Variants in FARSB observed in about 807,000 individuals in gnomAD.
FARSB encodes phenylalanyl-tRNA synthetase subunit beta, also known as phenylalanine--tRNA ligase beta subunit.
FARSB carries 40 observed loss-of-function variants against 69.6 expected under a neutral mutation model. The ratio of observed to expected loss-of-function variants is 0.57; its 90% CI spans 0.45 to 0.75. The LOEUF is 0.75. Among genes scored for constraint, FARSB ranks in the 30% least tolerant of loss-of-function variants. The pLI is 0.00. For synonymous variants in FARSB, 235 were observed against 247.2 expected, an observed-to-expected ratio of 0.95 and a Z score of 0.46; for missense variants, 632 against 722.9, an observed-to-expected ratio of 0.87 and a Z score of 1.44.
Position 222,571,190 on chromosome 2 carries a change from C to T in FARSB, c.*681G>A, listed in dbSNP as rs1574903494. ...TGTTCATACTGCATTGATATCAATA[C>T]TTGTCCATTTTAACTCTTACAGCAG... On this transcript the variant is annotated 3_prime_UTR_variant, in exon 17 of 17. Coordinates refer to ENST00000281828, the MANE Select transcript of FARSB (RefSeq NM_005687.5). 6.6e-6 allele frequency: 1 copy of T among 152,174 alleles called. No homozygotes were observed. The highest frequency in any genetic ancestry group is 1.9e-4 in the East Asian group (1 of 5,202). 9.4% of individuals were successfully genotyped at this position (152,174 alleles called of 1,614,324 possible).
In FARSB at chr2:222,604,722, AT is replaced by A. The variant is rs56201038; in HGVS notation, c.1463-4640del. 7.8e-3 allele frequency among the ~76,000 whole-genome samples: 866 copies of A among 110,682 alleles called. 11 individuals are homozygous for A. The highest frequency in any genetic ancestry group is 0.027 in the African/African-American group (818 of 29,852). The allele number at this position is 110,682 out of a possible 152,430, so 72.6% of individuals were successfully genotyped here. A position where few individuals can be genotyped will look rare whatever the true frequency, so the allele number is the denominator to read the frequency against. Reference sequence around the variant, plus strand: ...AAGCACACATCACCATGCCCACTGAATTTTTTTTTTTTTTTTTTTTTTGTAT... The same window carrying A: ...AAGCACACATCACCATGCCCACTGAATTTTTTTTTTTTTTTTTTTTTGTAT... On this transcript the variant is annotated intron_variant, in intron 15 of 16. Coordinates refer to ENST00000281828, the MANE Select transcript of FARSB (RefSeq NM_005687.5).
Position 222,631,677 on chromosome 2 carries a change from G to T in FARSB, c.716-3C>A, listed in dbSNP as rs781522279. Reference sequence around the variant, plus strand: ...TACTGTTATTCTGGAATGATCCCCTGCAATGAACACAAAACAATAACATTA... The same window carrying T: ...TACTGTTATTCTGGAATGATCCCCTTCAATGAACACAAAACAATAACATTA... On this transcript the variant is annotated splice_region_variant and splice_polypyrimidine_tract_variant and intron_variant, in intron 7 of 16. Transcript: ENST00000281828. The T allele has an allele frequency of 6.6e-7, 1 of 1,503,934 alleles. No homozygotes were observed. The highest frequency in any genetic ancestry group is 9.3e-7 in the Non-Finnish European group (1 of 1,080,722). 93.2% of individuals were successfully genotyped at this position (1,503,934 alleles called of 1,614,324 possible). A position where few individuals can be genotyped will look rare whatever the true frequency, so the allele number is the denominator to read the frequency against.
chr2:222,639,727 A>C (rs1374590840), intron 4 of FARSB, 32 bp from the exon 5 acceptor site: 1 of 1,036,652 alleles, frequency 9.6e-7, no homozygotes, highest in South Asian at 1.7e-5. Flanking sequence ...GAGATAGCAA[A>C]CAGTAAGGCT....
Position 222,568,938 on chromosome 2 carries a change from CCATTT to C in FARSB, c.*2928_*2932del, listed in dbSNP as rs1190275769. On this transcript the variant is annotated 3_prime_UTR_variant, in exon 17 of 17. Coordinates refer to ENST00000281828, the MANE Select transcript of FARSB (RefSeq NM_005687.5). The surrounding 1 kb of genome is among the most constrained non-coding windows in gnomAD (Gnocchi z 4.3). ...TTCTAAGCTAGAACAAAAATCAATT[CCATTT>C]AATTTTCACTTTAATACTAGAGCTC... is the stretch of plus-strand genomic sequence containing the variant. 1 of 152,178 alleles carries C rather than the reference CCATTT, an allele frequency of 6.6e-6. No individual in the cohort carries two copies. The highest frequency in any genetic ancestry group is 1.5e-5 in the Non-Finnish European group (1 of 68,032). The allele number at this position is 152,178 out of a possible 1,614,324, so 9.4% of individuals were successfully genotyped here.
In FARSB at chr2:222,623,726, G is replaced by C; in HGVS notation, c.1175C>G (p.Pro392Arg). Residue 392 changes from proline to arginine, a missense_variant, in exon 13 of 17, where the codon CCT (proline) becomes CGT (arginine). Coordinates refer to ENST00000281828, the MANE Select transcript of FARSB (RefSeq NM_005687.5). Reference protein sequence around the residue: ...PKTYTIANQFPLNKLTELLRH... With the variant: ...PKTYTIANQFRLNKLTELLRH... ...GAGAAGTTCAGTGAGCTTATTAAGA[G>C]GAAACTGAAAAAAAAAGCATCCACT... 2 of 1,598,800 alleles carry C rather than the reference G, an allele frequency of 1.3e-6. No homozygotes were observed. The highest frequency in any genetic ancestry group is 1.7e-6 in the Non-Finnish European group (2 of 1,170,610).
chr2:222,628,092 A>G (rs922725838), intron 10 of FARSB, among the ~76,000 whole-genome samples: 1 of 152,212 alleles, frequency 6.6e-6, no homozygotes, highest in Admixed American at 6.5e-5. Flanking sequence ...TTAATAATAC[A>G]TTTGAAATTA....
At chr2:222,605,688 C>T (rs1213646654) in intron 15 of FARSB, among the ~76,000 whole-genome samples, 3 of 152,126 alleles carry the variant, frequency 2.0e-5, no homozygotes, top group Non-Finnish European at 4.4e-5. Flanking sequence ...AAGGCCGAGG[C>T]AGAAGGATCA....
At chr2:222,590,388 A>T (rs1368137020) in intron 16 of FARSB, among the ~76,000 whole-genome samples, 5 of 152,188 alleles carry the variant, frequency 3.3e-5, no homozygotes, top group African/African-American at 7.2e-5. Context: ...GGGGGAGGGA[A>T]AGCATTAGGA....
At chr2:222,640,471 A>C (rs1198312649) in intron 4 of FARSB, among the ~76,000 whole-genome samples, 1 of 151,928 alleles carries the variant, frequency 6.6e-6, no homozygotes, top group African/African-American at 2.4e-5. Context: ...AAAAATACAA[A>C]AAATTAGCCA....
intron 5 of FARSB, among the ~76,000 whole-genome samples, chr2:222,635,956 T>C (rs1382666813): frequency 6.6e-6 from 1 of 151,656 alleles, no homozygotes; most frequent in African/African-American, 2.4e-5. Flanking sequence ...GCCACACACT[T>C]GTGGTCTCAG....
intron 16 of FARSB, among the ~76,000 whole-genome samples, chr2:222,597,732 C>A (rs1690456314): frequency 6.6e-6 from 1 of 152,038 alleles, no homozygotes; most frequent in South Asian, 2.1e-4. Flanking sequence ...TGAGCACGAT[C>A]CAGGCCAAGT....
intron 3 of FARSB, 28 bp downstream of exon 3, chr2:222,642,823 A>G (rs200557883): frequency 5.2e-6 from 8 of 1,525,248 alleles, no homozygotes; most frequent in Non-Finnish European, 2.7e-6. Context: ...CCAACTTAGC[A>G]AAGTCTTTAA....
intron 16 of FARSB, among the ~76,000 whole-genome samples, chr2:222,598,170 A>G (rs1690470986): frequency 6.6e-6 from 1 of 152,230 alleles, no homozygotes; most frequent in South Asian, 2.1e-4. Flanking sequence ...CTTCGGAAAC[A>G]TCAAGACAAT....
intron 13 of FARSB, among the ~76,000 whole-genome samples, chr2:222,623,109 A>T (rs1030249096): frequency 6.6e-6 from 1 of 152,138 alleles, no homozygotes; most frequent in South Asian, 2.1e-4. Context: ...TTGCATACAC[A>T]TTTTATTCTT....
chr2:222,573,160 C>T (rs1689755901), intron 16 of FARSB, among the ~76,000 whole-genome samples: 1 of 152,108 alleles, frequency 6.6e-6, no homozygotes, highest in South Asian at 2.1e-4. Context: ...GTTAGTACCA[C>T]AGAGACAAAG....
In FARSB at chr2:222,608,132, AATGTCG is replaced by A. The variant is rs1193976104; in HGVS notation, c.1462+5673_1462+5678del. On this transcript the variant is annotated intron_variant, in intron 15 of 16. Transcript: ENST00000281828. Reference sequence around the variant, plus strand: ...CAAATGTGTTACTTCAAAAATTGTTAATGTCGATGCTCCTTACACCCATATTTTTTG... The same window carrying A: ...CAAATGTGTTACTTCAAAAATTGTTAATGCTCCTTACACCCATATTTTTTG... Among the ~76,000 whole-genome samples the A allele has an allele frequency of 4.6e-5, 7 of 152,322 alleles. No homozygotes were observed. The East Asian group carries it at 1.3e-3, about 29-fold the overall frequency.
chr2:222,595,513 T>C (rs1481687379), intron 16 of FARSB, among the ~76,000 whole-genome samples: 1 of 152,200 alleles, frequency 6.6e-6, no homozygotes, highest in Non-Finnish European at 1.5e-5. Context: ...ACAAGGTTAT[T>C]TTTCATTTCA....
rs762100152 is a variant in FARSB, at chr2:222,656,066, G to C, written c.8C>G (p.Thr3Ser). The C allele has an allele frequency of 4.4e-6, 7 of 1,596,416 alleles. No homozygotes were observed. The South Asian group carries it at 6.8e-5, about 15-fold the overall frequency. The change falls in exon 1 of 17, where the codon ACT (threonine) becomes AGT (serine). Residue 3 changes from threonine to serine, a missense_variant. Coordinates refer to ENST00000281828, the MANE Select transcript of FARSB (RefSeq NM_005687.5). MP[T>S]VSVKRDLLFQ... ...GAGCAGATCACGCTTCACGCTGACA[G>C]TCGGCATGGTGTGTCGAACTCACTG...
Position 222,605,547 on chromosome 2 carries a change from T to C in FARSB, c.1463-5464A>G, listed in dbSNP as rs145862458. Among the ~76,000 whole-genome samples, 1,153 of 152,326 alleles carry C rather than the reference T, an allele frequency of 7.6e-3. 14 individuals are homozygous for C. Among genetic ancestry groups the C allele is most frequent in the African/African-American group, 0.027 (1,115 of 41,562 alleles). On this transcript the variant is annotated intron_variant, in intron 15 of 16. Coordinates refer to ENST00000281828, the MANE Select transcript of FARSB (RefSeq NM_005687.5). ...TATATTTCTGATATGAGCAGCAATA[T>C]CTGGATTAAAAATTTAGAATTTTAA...
Sources: gnomAD v4.1 joint callset for allele counts (sites outside exome capture counted in the v4.1 genomes callset) on GRCh38, gnomAD v4.1.1 for gene constraint, Gnocchi (gnomAD v3.1) non-coding constraint, MANE v1.5 for transcripts, NCBI Gene and HGNC (gene_info 2026-07-23, HGNC 2026-07-21) for gene names.